Variants in MTMR1 observed in about 807,000 individuals in gnomAD.
The protein encoded by MTMR1 is phosphatidylinositol-3-phosphate phosphatase MTMR1.
Under a neutral mutation model 51.6 loss-of-function variants are expected in MTMR1, and 17 were observed. That is an observed-to-expected ratio of 0.33 (90% CI 0.23 to 0.49). The LOEUF (loss-of-function observed/expected upper bound fraction) is 0.49, where lower values mean the gene tolerates loss of function less well. Among genes scored for constraint, MTMR1 ranks in the 20% least tolerant of loss-of-function variants. MTMR1 has a pLI of 0.99. For synonymous variants in MTMR1, 201 were observed against 205.6 expected, an observed-to-expected ratio of 0.98 and a Z score of 0.19; for missense variants, 386 against 526.9, an observed-to-expected ratio of 0.73 and a Z score of 2.62.
chrX:150,726,856 C>T (rs1184628452), intron 4 of MTMR1, among the ~76,000 whole-genome samples: 4 of 111,632 alleles, frequency 3.6e-5, no homozygotes, highest in African/African-American at 1.3e-4. Context: ...TTTTAAGTAG[C>T]AGTAATTCAT....
At position 150,761,297 on chromosome X, in the gene MTMR1, G is replaced by C. The variant is rs150769979; in HGVS notation, c.1858-1268G>C. On this transcript the variant is annotated intron_variant, in intron 15 of 15. Coordinates refer to ENST00000445323, the MANE Select transcript of MTMR1 (RefSeq NM_001306144.3). ...TGTTCTTCCTGTGGCCTGCCCAAGGGGGTCATTTCTTCTCAGCCCACTGGG... is the reference window on the plus strand; with the variant it reads ...TGTTCTTCCTGTGGCCTGCCCAAGGCGGTCATTTCTTCTCAGCCCACTGGG... Among the ~76,000 whole-genome samples the C allele has an allele frequency of 5.4e-5, 6 of 112,077 alleles. No individual in the cohort carries two copies. In the East Asian group the frequency reaches 1.4e-3, roughly 27 times the overall value.
In MTMR1 at chrX:150,763,020, A is replaced by G; in HGVS notation, c.*291A>G. On this transcript the variant is annotated 3_prime_UTR_variant, in exon 16 of 16. Coordinates refer to ENST00000445323, the MANE Select transcript of MTMR1 (RefSeq NM_001306144.3). ...CTGAGGTTCAAGAAAGCTGTACGCC[A>G]TTTCTTTCCAACTTAAATCCTTCAG... 4.3e-6 allele frequency: 1 copy of G among 233,249 alleles called. No homozygotes were observed. 19.2% of individuals were successfully genotyped at this position (233,249 alleles called of 1,213,427 possible).
intron 11 of MTMR1, among the ~76,000 whole-genome samples, 183 bp from the exon 12 acceptor site, chrX:150,737,059 C>G (rs1448614396): frequency 9.0e-6 from 1 of 111,222 alleles, no homozygotes; most frequent in Non-Finnish European, 1.9e-5. Context: ...AAGATTTTTT[C>G]TTTTCTTTTT....
chrX:150,736,938 T>C (rs1422040229), intron 11 of MTMR1, among the ~76,000 whole-genome samples, 158 bp downstream of exon 11: 1 of 112,208 alleles, frequency 8.9e-6, no homozygotes, highest in East Asian at 2.8e-4. Context: ...TGTGGAGGGC[T>C]TTTGTGACAT....
Position 150,720,497 on chromosome X carries a change from G to A in MTMR1, c.352+1797G>A, listed in dbSNP as rs911633536. Among the ~76,000 whole-genome samples, 4 of 111,738 alleles carry A rather than the reference G, an allele frequency of 3.6e-5. No homozygotes were observed. The East Asian group carries it at 1.1e-3, about 31-fold the overall frequency. Reference sequence around the variant, plus strand: ...ATTGCTGGATAGAATTCCATTATATGGCTACATGACAGTTTGCTTATCCAT... The same window carrying A: ...ATTGCTGGATAGAATTCCATTATATAGCTACATGACAGTTTGCTTATCCAT... On this transcript the variant is annotated intron_variant, in intron 4 of 15. Transcript: ENST00000445323.
intron 14 of MTMR1, 93 bp downstream of exon 14, chrX:150,750,936 A>T (rs2042710392): frequency 9.8e-7 from 1 of 1,018,268 alleles, no homozygotes; most frequent in Admixed American, 2.4e-5. Flanking sequence ...GGGAGGGAGG[A>T]CTGCGCTCTG....
At position 150,727,338 on chromosome X, in the gene MTMR1, A is replaced by G. The variant is rs782030154; in HGVS notation, c.447+29A>G. The G allele has an allele frequency of 6.3e-6, 7 of 1,104,891 alleles. No individual in the cohort carries two copies. In the East Asian group the frequency reaches 9.0e-5, roughly 14 times the overall value. The allele number at this position is 1,104,891 out of a possible 1,213,427, so 91.1% of individuals were successfully genotyped here. A position where few individuals can be genotyped will look rare whatever the true frequency, so the allele number is the denominator to read the frequency against. ...AGTTTTTTAAAGTGTGTTTTATTTT[A>G]AAAGAAACACTTTTAAAAGAACACT... is the stretch of plus-strand genomic sequence containing the variant. On this transcript the variant is annotated intron_variant, in intron 5 of 15. Coordinates refer to ENST00000445323, the MANE Select transcript of MTMR1 (RefSeq NM_001306144.3).
chrX:150,729,978 C>T lies in MTMR1; in HGVS notation c.556-131C>T, dbSNP rs144768311. The T allele has an allele frequency of 4.7e-3, 1,546 of 326,096 alleles. 11 individuals are homozygous for T. The highest frequency in any genetic ancestry group is 0.027 in the African/African-American group (943 of 35,454). 26.9% of individuals were successfully genotyped at this position (326,096 alleles called of 1,213,427 possible). A position where few individuals can be genotyped will look rare whatever the true frequency, so the allele number is the denominator to read the frequency against. ...AGGTTGCAATGAGTGGAGACTGTGC[C>T]GTTGGAGCAGGATAAAGTATAAAAG... On this transcript the variant is annotated intron_variant, in intron 6 of 15. Transcript: ENST00000445323.
intron 13 of MTMR1, 128 bp downstream of exon 13, chrX:150,744,581 A>T: frequency 1.8e-6 from 1 of 542,646 alleles, no homozygotes; most frequent in Non-Finnish European, 2.9e-6. Flanking sequence ...ACACAATTTG[A>T]TTCTAATTCG....
chrX:150,764,858 AGTATT>A lies in MTMR1; in HGVS notation c.*2135_*2139del, dbSNP rs1340854430. 8.7e-4 allele frequency: 98 copies of A among 112,724 alleles called. No homozygotes were observed. Among genetic ancestry groups the A allele is most frequent in the African/African-American group, 3.1e-3 (97 of 31,045 alleles). The allele number at this position is 112,724 out of a possible 1,213,427, so 9.3% of individuals were successfully genotyped here. A position where few individuals can be genotyped will look rare whatever the true frequency, so the allele number is the denominator to read the frequency against. ...GGTTCAGGTTTTTAAAAACTGGTAC[AGTATT>A]GTATTTGTCTCATCTGTTGCACTGT... On this transcript the variant is annotated 3_prime_UTR_variant, in exon 16 of 16. Transcript: ENST00000445323.
chrX:150,717,603 T>C (rs902982738), intron 3 of MTMR1, among the ~76,000 whole-genome samples: 2 of 110,097 alleles, frequency 1.8e-5, no homozygotes, highest in African/African-American at 6.6e-5. Flanking sequence ...CTTGGCAGCG[T>C]CTCACAGGGT....
chrX:150,743,151 C>T (rs2042480970), intron 12 of MTMR1, among the ~76,000 whole-genome samples: 2 of 111,322 alleles, frequency 1.8e-5, no homozygotes, highest in African/African-American at 6.5e-5. Flanking sequence ...GCTTGTAATT[C>T]CCAGCACTTT....
chrX:150,730,932 A>G (rs1257914293), intron 8 of MTMR1, among the ~76,000 whole-genome samples: 1 of 112,110 alleles, frequency 8.9e-6, no homozygotes, highest in Non-Finnish European at 1.9e-5. Flanking sequence ...ACCACTGACT[A>G]CAGTTAGATT....
intron 15 of MTMR1, among the ~76,000 whole-genome samples, chrX:150,758,340 G>A (rs992906942): frequency 9.0e-5 from 10 of 111,140 alleles, no homozygotes; most frequent in Admixed American, 1.9e-4. Flanking sequence ...TTGTGTCCAC[G>A]CTCCACCTTC....
intron 3 of MTMR1, among the ~76,000 whole-genome samples, chrX:150,716,455 A>AT (rs782358518): frequency 8.8e-6 from 1 of 113,023 alleles, no homozygotes; most frequent in Non-Finnish European, 1.9e-5. Flanking sequence ...AAATGAATCC[A>AT]TTAATCGTTC....
At chrX:150,742,816 CAAAAAAAA>C (rs1159891625) in intron 12 of MTMR1, among the ~76,000 whole-genome samples, 1 of 21,747 alleles carries the variant, frequency 4.6e-5, no homozygotes, top group Non-Finnish European at 8.5e-5. Context: ...GACTCCATCT[CAAAAAAAA>C]AAAAAAAAAA....
intron 13 of MTMR1, among the ~76,000 whole-genome samples, chrX:150,747,823 A>T (rs1262281948): frequency 1.8e-5 from 2 of 111,484 alleles, no homozygotes; most frequent in African/African-American, 6.5e-5. Flanking sequence ...GTTGTCACTG[A>T]CTCTAGAACA....
chrX:150,713,400 G>A (rs2041378951), intron 3 of MTMR1, among the ~76,000 whole-genome samples: 1 of 111,849 alleles, frequency 8.9e-6, no homozygotes, highest in African/African-American at 3.2e-5. Flanking sequence ...TACCAACTGT[G>A]TACTAAATTC....
intron 14 of MTMR1, chrX:150,751,074 T>TAG: frequency 8.8e-7 from 1 of 1,130,714 alleles, no homozygotes; most frequent in Admixed American, 2.4e-5. Flanking sequence ...CTCTCAGGAG[T>TAG]AGATGAGTGC....
Sources: gnomAD v4.1 joint callset for allele counts (sites outside exome capture counted in the v4.1 genomes callset) on GRCh38, gnomAD v4.1.1 for gene constraint, MANE v1.5 for transcripts, NCBI Gene and HGNC (gene_info 2026-07-23, HGNC 2026-07-21) for gene names.